Variants in TEDC1 observed in about 807,000 individuals in gnomAD.
TEDC1 encodes the protein tubulin epsilon and delta complex protein 1.
A neutral mutation model predicts 59.9 loss-of-function variants in TEDC1; 54 were observed. The ratio of observed to expected loss-of-function variants is 0.90; its 90% CI spans 0.72 to 1.13. The LOEUF (loss-of-function observed/expected upper bound fraction) is 1.13, where lower values mean the gene tolerates loss of function less well. TEDC1 is among the 50% of genes most tolerant of loss of function. TEDC1 has a pLI of 0.00. For missense variants in TEDC1, 734 were observed against 683.4 expected (o/e 1.07, Z -0.83); for synonymous variants, 353 against 298.1 (o/e 1.18, Z -1.90).
rs2084203322 is a variant in TEDC1, at chr14:105,491,393, G to A, written c.18G>A (p.Gln6=). The A allele has an allele frequency of 1.4e-6, 2 of 1,421,138 alleles. No individual in the cohort carries two copies. Among genetic ancestry groups the A allele is most frequent in the Non-Finnish European group, 1.8e-6 (2 of 1,097,068 alleles). The allele number at this position is 1,421,138 out of a possible 1,614,324, so 88.0% of individuals were successfully genotyped here. A position where few individuals can be genotyped will look rare whatever the true frequency, so the allele number is the denominator to read the frequency against. The change falls in exon 1 of 9, where the codon CAG becomes CAA. Residue 6 remains glutamine, a synonymous_variant. Transcript: ENST00000392523. MGRRR[Q]RVDPAAGARA... is the part of the protein sequence containing the mutation. Reference sequence around the variant, plus strand: ...CTGGCTGCATGGGGAGGCGGCGGCAGCGGGTGGACCCCGCGGCTGGGGCCC... The same window carrying A: ...CTGGCTGCATGGGGAGGCGGCGGCAACGGGTGGACCCCGCGGCTGGGGCCC...
At chr14:105,493,715 C>G in intron 4 of TEDC1, 120 bp from the exon 5 acceptor site, 1 of 703,106 alleles carries the variant, frequency 1.4e-6, no homozygotes, top group Non-Finnish European at 2.4e-6. Context: ...TTTCTCTGAG[C>G]CCTCTTTCCT....
rs1555440999 is a variant in TEDC1 at position 105,498,637 on chromosome 14, G to T, written c.1179G>T (p.Gly393=). The T allele has an allele frequency of 6.4e-7, 1 of 1,551,118 alleles. No homozygotes were observed. The highest frequency in any genetic ancestry group is 8.7e-7 in the Non-Finnish European group (1 of 1,147,296). The change falls in exon 9 of 9, where the codon GGG becomes GGT. Residue 393 remains glycine (G), a synonymous_variant. Transcript: ENST00000392523. ...WEAKAGGCGR[G]PEWSAARRAS... is the part of the protein sequence containing the mutation. The stretch of plus-strand genomic sequence containing the variant: ...CGCAGGCTGGAGGCTGTGGACGGGG[G>T]CCAGAGTGGAGTGCCGCGCGGCGGG...
Position 105,492,732 on chromosome 14 carries a change from A to G in TEDC1, c.583A>G (p.Lys195Glu). Residue 195 changes from lysine (K) to glutamate (E), a missense_variant and splice_region_variant, in exon 4 of 9, where the codon AAG becomes GAG. Transcript: ENST00000392523. Reference protein sequence around the residue: ...SQQEQCALLSKIHLYTRGCHS... With the variant: ...SQQEQCALLSEIHLYTRGCHS... Reference sequence around the variant, plus strand: ...GCAGGAGCAGTGCGCCCTCCTGAGCAAGGTAGAGCTGGCACAGGGCTTCCA... The same window carrying G: ...GCAGGAGCAGTGCGCCCTCCTGAGCGAGGTAGAGCTGGCACAGGGCTTCCA... The G allele has an allele frequency of 1.9e-6, 3 of 1,541,792 alleles. No homozygotes were observed. The highest frequency in any genetic ancestry group is 2.6e-6 in the Non-Finnish European group (3 of 1,146,760).
intron 7 of TEDC1, 142 bp downstream of exon 7, chr14:105,497,585 T>C: frequency 8.6e-7 from 1 of 1,163,406 alleles, no homozygotes; most frequent in Non-Finnish European, 1.2e-6. Flanking sequence ...TTTCTAGGAC[T>C]TCCACTCGCC....
chr14:105,491,138 G>C (rs1425914041), upstream of TEDC1: 1 of 1,550,786 alleles, frequency 6.4e-7, no homozygotes, highest in Non-Finnish European at 8.7e-7. Context: ...TACAGGTCTC[G>C]GGAGCGCGGT....
Position 105,491,627 on chromosome 14 carries a change from C to T in TEDC1, c.153C>T (p.Ser51=). The T allele has an allele frequency of 6.5e-7, 1 of 1,549,702 alleles. No homozygotes were observed. Residue 51 remains serine (S), a synonymous_variant, in exon 2 of 9, where the codon TCC becomes TCT. Coordinates refer to ENST00000392523, the MANE Select transcript of TEDC1 (RefSeq NM_001367178.1). ...CCGCTTTTTATTTTCCGCAGACCTC[C>T]GCGCTCTGGCAGCTCCTCTTCCGTG... ...RAKFDRPEAT[S]ALWQLLFRVL...
At chr14:105,497,319 C>G (rs587675774) in intron 6 of TEDC1, 38 bp from the exon 7 acceptor site, 1 of 1,537,904 alleles carries the variant, frequency 6.5e-7, no homozygotes, top group Non-Finnish European at 8.8e-7. Context: ...CATGGGGTCC[C>G]GTGTGAGGTT....
chr14:105,490,794 G>T (rs1595467873), upstream of TEDC1: 2 of 575,114 alleles, frequency 3.5e-6, no homozygotes, highest in Non-Finnish European at 6.2e-6. Flanking sequence ...GGCGAGGCTC[G>T]TCCGCTCCGA....
chr14:105,493,533 T>C (rs1437446242), intron 4 of TEDC1, among the ~76,000 whole-genome samples: 1 of 152,132 alleles, frequency 6.6e-6, no homozygotes, highest in Non-Finnish European at 1.5e-5. Context: ...CCTCCCCCGA[T>C]GCTGCTGGGG....
intron 6 of TEDC1, chr14:105,496,488 G>T: frequency 4.7e-6 from 1 of 212,264 alleles, no homozygotes; most frequent in South Asian, 7.4e-5. Flanking sequence ...TGGAGCCCCA[G>T]GCCCCTGCAG....
intron 4 of TEDC1, 101 bp from the exon 5 acceptor site, chr14:105,493,734 A>G: frequency 1.3e-6 from 1 of 774,082 alleles, no homozygotes; most frequent in South Asian, 1.6e-5. Flanking sequence ...CTCATCTGGG[A>G]GGTGGGCTCT....
intron 6 of TEDC1, 117 bp downstream of exon 6, chr14:105,496,203 T>TA (rs2084342456): frequency 9.9e-7 from 1 of 1,010,110 alleles, no homozygotes; most frequent in East Asian, 2.6e-5. Context: ...CCCTGGCCCT[T>TA]ACCTTCTTGG....
intron 8 of TEDC1, 85 bp from the exon 9 acceptor site, chr14:105,498,532 C>T (rs1403552027): frequency 7.8e-6 from 11 of 1,408,410 alleles, no homozygotes; most frequent in South Asian, 1.5e-5. Flanking sequence ...AGCGCCTGCA[C>T]CTGAGTCTGG....
Position 105,498,624 on chromosome 14 carries a change from G to T in TEDC1, c.1166G>T (p.Gly389Val). The T allele has an allele frequency of 6.5e-7, 1 of 1,544,864 alleles. No individual in the cohort carries two copies. Among genetic ancestry groups the T allele is most frequent in the Non-Finnish European group, 8.7e-7 (1 of 1,143,506 alleles). The change falls in exon 9 of 9, where the codon GGC becomes GTC. Residue 389 changes from glycine to valine, a missense_variant. By Grantham distance (109) the Gly-to-Val change is moderately radical. Transcript: ENST00000392523. ...CCATTGTGTCCCACGCAGGCTGGAGGCTGTGGACGGGGGCCAGAGTGGAGT... is the reference window on the plus strand; with the variant it reads ...CCATTGTGTCCCACGCAGGCTGGAGTCTGTGGACGGGGGCCAGAGTGGAGT... ...RRAAWEAKAG[G>V]CGRGPEWSAA...
intron 5 of TEDC1, chr14:105,494,836 G>A (rs2084307951): frequency 6.6e-6 from 1 of 151,662 alleles, no homozygotes; most frequent in Admixed American, 6.6e-5. Context: ...TTGGTTTCAG[G>A]GGATAGGGCA....
At position 105,497,870 on chromosome 14, in the gene TEDC1, C is replaced by G. The variant is rs1567076631; in HGVS notation, c.1051C>G (p.Pro351Ala). ...ASQPTFLPWV[P>A]ERGGGELDLV... ...ACAGCCCACCTTCCTGCCCTGGGTC[C>G]CCGAGCGCGGGGGTGGCGAGTTGGA... Residue 351 changes from proline (P) to alanine (A), a missense_variant, in exon 8 of 9, where the codon CCC (proline) becomes GCC (alanine). By Grantham distance (27) the Pro-to-Ala change is conservative (BLOSUM62 -1). Transcript: ENST00000392523. The G allele has an allele frequency of 1.3e-6, 2 of 1,563,798 alleles. No individual in the cohort carries two copies. Among genetic ancestry groups the G allele is most frequent in the Non-Finnish European group, 1.7e-6 (2 of 1,154,410 alleles).
At chr14:105,490,881 G>A, upstream of TEDC1, 2 of 833,416 alleles carry the variant, frequency 2.4e-6, no homozygotes, top group Admixed American at 2.1e-5. Flanking sequence ...GCCAAGGGGC[G>A]TGAGGCGCTG....
In TEDC1 at chr14:105,492,697, T is replaced by C. The variant is rs1555439742; in HGVS notation, c.548T>C (p.Val183Ala). ...CTGCGGTTCCGGTGGCGCCAGCTGG[T>C]GTCCAGTCAGCAGGAGCAGTGCGCC... The part of the protein sequence containing the change: ...GKLRFRWRQL[V>A]SSQQEQCALL... Residue 183 changes from valine to alanine, a missense_variant, in exon 4 of 9, where the codon GTG becomes GCG. Val to Ala is a moderately conservative substitution (Grantham distance 64). Transcript: ENST00000392523. 1 of 1,544,426 alleles carries C rather than the reference T, an allele frequency of 6.5e-7. No individual in the cohort carries two copies. Among genetic ancestry groups the C allele is most frequent in the African/African-American group, 1.4e-5 (1 of 73,112 alleles).
intron 7 of TEDC1, 82 bp from the exon 8 acceptor site, chr14:105,497,716 G>C: frequency 7.0e-7 from 1 of 1,434,530 alleles, no homozygotes; most frequent in Non-Finnish European, 9.2e-7. Flanking sequence ...TGTGGGACCT[G>C]GGGGACTACC....
Sources: gnomAD v4.1 joint callset for allele counts (sites outside exome capture counted in the v4.1 genomes callset) on GRCh38, gnomAD v4.1.1 for gene constraint, MANE v1.5 for transcripts, NCBI Gene and HGNC (gene_info 2026-07-23, HGNC 2026-07-21) for gene names.